The following CACNA1E variants were observed in gnomAD, a reference collection of about 807,000 sequenced individuals.
The protein encoded by CACNA1E is calcium voltage-gated channel subunit alpha1 E.
CACNA1E carries 40 observed loss-of-function variants against 259.2 expected under a neutral mutation model. The observed-to-expected ratio is 0.15, with a 90% CI of 0.12 to 0.20. CACNA1E has a LOEUF of 0.20. CACNA1E is among the 10% of genes least tolerant of loss of function. The pLI, the probability that CACNA1E is intolerant of heterozygous loss-of-function variation, is 1.00. For synonymous variants in CACNA1E, 1,104 were observed against 1,138.5 expected (o/e 0.97, Z 0.61); for missense variants, 1,874 against 3,040.1 (o/e 0.62, Z 9.02).
chr1:181,437,217 A>G lies in CACNA1E; in HGVS notation c.434+23637A>G, dbSNP rs79140168. On this transcript the variant is annotated intron_variant, in intron 2 of 11. Transcript: ENST00000524607. ...CTCACTGCATGGCCAATATGTGTAG[A>G]CTAACTTCTGACAGTTTTATATTCT... Among the ~76,000 whole-genome samples the G allele has an allele frequency of 1.3e-3, 200 of 152,258 alleles. 4 individuals are homozygous for G. In the East Asian group the frequency reaches 0.03, roughly 23 times the overall value.
At chr1:181,635,185 C>T (rs1178197094) in intron 6 of CACNA1E, among the ~76,000 whole-genome samples, 1 of 152,170 alleles carries the variant, frequency 6.6e-6, no homozygotes, top group East Asian at 1.9e-4. Flanking sequence ...TAAGCTTTCC[C>T]CTCTGTTTTT....
At chr1:181,332,753 T>C (rs1290399651) in intron 1 of CACNA1E, among the ~76,000 whole-genome samples, 5 of 152,244 alleles carry the variant, frequency 3.3e-5, no homozygotes, top group Non-Finnish European at 7.3e-5. Flanking sequence ...TGGTGATTAT[T>C]AACCTTTGTA....
chr1:181,707,338 CTG>C (rs1652889061), intron 7 of CACNA1E, among the ~76,000 whole-genome samples: 1 of 152,122 alleles, frequency 6.6e-6, no homozygotes, highest in Admixed American at 6.5e-5. Flanking sequence ...GGCTCTGGGA[CTG>C]TGAGTTCCAG....
chr1:181,788,755 G>A (rs1010227606), intron 43 of CACNA1E, among the ~76,000 whole-genome samples: 5 of 152,206 alleles, frequency 3.3e-5, no homozygotes, highest in Admixed American at 6.5e-5. Context: ...CAAAGTAGGA[G>A]ATCACTCTGG....
intron 1 of CACNA1E, among the ~76,000 whole-genome samples, chr1:181,398,052 T>C (rs2102068040): frequency 6.6e-6 from 1 of 152,350 alleles, no homozygotes; most frequent in East Asian, 1.9e-4. Flanking sequence ...AGCCGCCTCT[T>C]TCTCCTGTCC....
chr1:181,326,606 A>G lies in CACNA1E; in HGVS notation c.-15+8483A>G, dbSNP rs1035794667. ...TGGCCCTTTCAGCTATTTATGGTCCACACATCCCTCCCTTTGCCTTGGCCA... is the reference window on the plus strand; with the variant it reads ...TGGCCCTTTCAGCTATTTATGGTCCGCACATCCCTCCCTTTGCCTTGGCCA... On this transcript the variant is annotated intron_variant, in intron 1 of 11. Transcript: ENST00000524607. 3.3e-5 allele frequency among the ~76,000 whole-genome samples: 5 copies of G among 152,242 alleles called. No individual in the cohort carries two copies. In the South Asian group the frequency reaches 1.0e-3, roughly 32 times the overall value.
At chr1:181,364,599 A>G (rs1392307051) in intron 1 of CACNA1E, among the ~76,000 whole-genome samples, 2 of 152,092 alleles carry the variant, frequency 1.3e-5, no homozygotes, top group African/African-American at 4.8e-5. Context: ...GGAAGCTACA[A>G]GAAAGATTAC....
Position 181,460,359 on chromosome 1 carries a change from G to A in CACNA1E, c.435-23385G>A, listed in dbSNP as rs192280908. ...CATGAACCAGAGTGGGAGCAGTGGT[G>A]GTCATGAGCCTGTGTGTTTGTGAAG... is the stretch of plus-strand genomic sequence containing the variant. On this transcript the variant is annotated intron_variant, in intron 2 of 11. Coordinates refer to the CACNA1E transcript ENST00000524607. 1.0e-3 allele frequency among the ~76,000 whole-genome samples: 158 copies of A among 152,272 alleles called. 2 individuals are homozygous for A. The highest frequency in any genetic ancestry group is 8.9e-3 in the South Asian group (43 of 4,830).
intron 1 of CACNA1E, among the ~76,000 whole-genome samples, chr1:181,400,755 G>C (rs953700512): frequency 6.6e-6 from 1 of 152,084 alleles, no homozygotes; most frequent in African/African-American, 2.4e-5. Flanking sequence ...CCCCAGTCCT[G>C]ATGGCCTGTG....
intron 1 of CACNA1E, among the ~76,000 whole-genome samples, chr1:181,326,739 A>G (rs1458161422): frequency 2.0e-5 from 3 of 152,106 alleles, no homozygotes; most frequent in Non-Finnish European, 4.4e-5. Flanking sequence ...TCAGCACATC[A>G]TAGTGTCTCA....
chr1:181,451,522 C>T (rs1040115200), intron 2 of CACNA1E, among the ~76,000 whole-genome samples: 10 of 152,188 alleles, frequency 6.6e-5, no homozygotes, highest in Middle Eastern at 6.8e-3. Flanking sequence ...CCCATCTCTA[C>T]TAAAAATACA....
intron 3 of CACNA1E, among the ~76,000 whole-genome samples, chr1:181,539,012 C>G (rs1200151520): frequency 2.0e-5 from 3 of 152,208 alleles, no homozygotes. Flanking sequence ...GCAGCCTGCC[C>G]TCCAGCTATA....
intron 1 of CACNA1E, among the ~76,000 whole-genome samples, chr1:181,410,854 T>C (rs1657793642): frequency 6.6e-6 from 1 of 152,214 alleles, no homozygotes; most frequent in Admixed American, 6.5e-5. Flanking sequence ...ATAGTCTTTG[T>C]TTTTGTGACT....
intron 1 of CACNA1E, among the ~76,000 whole-genome samples, chr1:181,507,344 C>G (rs968662515): frequency 6.6e-6 from 1 of 152,234 alleles, no homozygotes; most frequent in Non-Finnish European, 1.5e-5. Flanking sequence ...GTGGTGTTGG[C>G]TACACCTTCC....
intron 2 of CACNA1E, among the ~76,000 whole-genome samples, chr1:181,461,338 G>GACAGAGCA (rs1661793678): frequency 2.0e-5 from 3 of 151,632 alleles, no homozygotes; most frequent in Admixed American, 6.6e-5. Flanking sequence ...TCAGGAGATC[G>GACAGAGCA]AGACCATCCT....
At chr1:181,766,864 C>T (rs1024234361) in intron 35 of CACNA1E, among the ~76,000 whole-genome samples, 6 of 152,190 alleles carry the variant, frequency 3.9e-5, no homozygotes, top group African/African-American at 1.2e-4. Context: ...GGTGCTAATT[C>T]ATAAGCAGCT....
At chr1:181,381,215 A>G (rs929777553) in intron 1 of CACNA1E, among the ~76,000 whole-genome samples, 1 of 152,276 alleles carries the variant, frequency 6.6e-6, no homozygotes, top group South Asian at 2.1e-4. Flanking sequence ...AAGAGTTCAT[A>G]GAAGTATTTA....
At position 181,507,847 on chromosome 1, in the gene CACNA1E, G is replaced by A. The variant is rs145525214; in HGVS notation, c.267-2630G>A. Among the ~76,000 whole-genome samples the A allele has an allele frequency of 2.8e-3, 425 of 152,312 alleles. 2 individuals carry two copies. The highest frequency in any genetic ancestry group is 9.8e-3 in the African/African-American group (408 of 41,568). On this transcript the variant is annotated intron_variant, in intron 1 of 47. Transcript: ENST00000367573. ...CTGGGCTTCTTGGATCTGCTGAGCA[G>A]GTGTCTGAAATTGCATGAGACGTTT...
intron 6 of CACNA1E, among the ~76,000 whole-genome samples, chr1:181,640,300 G>A (rs1273517161): frequency 6.6e-6 from 1 of 152,194 alleles, no homozygotes; most frequent in African/African-American, 2.4e-5. Flanking sequence ...TAGGCATGTA[G>A]GACTGACGTT....
Sources: allele counts gnomAD v4.1 joint callset (sites outside exome capture counted in the v4.1 genomes callset), GRCh38; gene constraint gnomAD v4.1.1; transcripts MANE v1.5; gene names NCBI Gene and HGNC (gene_info 2026-07-23, HGNC 2026-07-21).